SYNPR: variants seen among roughly 807,000 people sequenced by gnomAD.
SYNPR encodes the protein synaptoporin.
A neutral mutation model predicts 32.9 loss-of-function variants in SYNPR; 23 were observed. The ratio of observed to expected loss-of-function variants is 0.70; its 90% CI spans 0.50 to 0.99. SYNPR has a LOEUF of 0.99. Among genes scored for constraint, SYNPR ranks in the 50% least tolerant of loss-of-function variants. The probability of loss-of-function intolerance (pLI) is 0.00; values close to 1 mark genes in which losing one functional copy is unlikely to be tolerated. For missense variants in SYNPR, 318 were observed against 349.3 expected, an observed-to-expected ratio of 0.91 and a Z score of 0.71; for synonymous variants, 146 against 135.9, an observed-to-expected ratio of 1.07 and a Z score of -0.52.
intron 3 of SYNPR, among the ~76,000 whole-genome samples, chr3:63,495,450 G>T (rs1701352889): frequency 6.6e-6 from 1 of 152,188 alleles, no homozygotes; most frequent in Non-Finnish European, 1.5e-5. Flanking sequence ...TAAGTGTAAA[G>T]TGCAGAGAAT....
intron 2 of SYNPR, among the ~76,000 whole-genome samples, chr3:63,299,952 C>T (rs10510893): frequency 0.45 from 68,978 of 151,906 alleles, 15,845 homozygotes; most frequent in Middle Eastern, 0.52. Context: ...GGATGAAGCA[C>T]TTCCATGTTT....
rs550437788 is a variant in SYNPR at position 63,240,630 on chromosome 3, G to A, written n.67-11869G>A. Among the ~76,000 whole-genome samples, 15 of 152,236 alleles carry A rather than the reference G, an allele frequency of 9.9e-5. No homozygotes were observed. In the South Asian group the frequency reaches 3.1e-3, roughly 32 times the overall value. On this transcript the variant is annotated intron_variant and non_coding_transcript_variant, in intron 1 of 4. Coordinates refer to the SYNPR transcript ENST00000478456. ...AAGGGGACTTATCCAAGAAGCTATTGTCCTGTAACTCATAACATGCACTGT... is the reference window on the plus strand; with the variant it reads ...AAGGGGACTTATCCAAGAAGCTATTATCCTGTAACTCATAACATGCACTGT...
intron 3 of SYNPR, among the ~76,000 whole-genome samples, chr3:63,527,473 T>C (rs572408488): frequency 6.6e-6 from 1 of 152,212 alleles, no homozygotes; most frequent in East Asian, 1.9e-4. Flanking sequence ...ATTAATGGGA[T>C]GCCTGTCCTT....
intron 2 of SYNPR, among the ~76,000 whole-genome samples, chr3:63,472,534 C>T (rs1700823054): frequency 6.6e-6 from 1 of 151,916 alleles, no homozygotes; most frequent in Admixed American, 6.6e-5. Flanking sequence ...GCTAAAATGC[C>T]CCTTTTCAAG....
At chr3:63,311,103 T>TTTG (rs906425860) in intron 2 of SYNPR, among the ~76,000 whole-genome samples, 1 of 152,024 alleles carries the variant, frequency 6.6e-6, no homozygotes, top group East Asian at 1.9e-4. Flanking sequence ...GTGGCTTTTT[T>TTTG]TTGTTGTTGT....
At chr3:63,254,932 T>C (rs1337565188) in intron 2 of SYNPR, among the ~76,000 whole-genome samples, 2 of 152,174 alleles carry the variant, frequency 1.3e-5, no homozygotes, top group Non-Finnish European at 2.9e-5. Flanking sequence ...AGGGAGAAGA[T>C]GGCCATCCAT....
At chr3:63,377,529 T>C (rs778458577) in intron 2 of SYNPR, among the ~76,000 whole-genome samples, 1 of 149,234 alleles carries the variant, frequency 6.7e-6, no homozygotes, top group Non-Finnish European at 1.5e-5. Flanking sequence ...TCCCATACTT[T>C]GAGTTAAGAT....
chr3:63,218,843 G>A, the SYNPR span, among the ~76,000 whole-genome samples: 3 of 152,296 alleles, frequency 2.0e-5, no homozygotes, highest in East Asian at 1.9e-4. Context: ...TTGGTTCTGC[G>A]GCTAAACAAG....
intron 2 of SYNPR, among the ~76,000 whole-genome samples, chr3:63,285,171 G>T (rs2086668906): frequency 6.6e-6 from 1 of 152,208 alleles, no homozygotes; most frequent in East Asian, 1.9e-4. Context: ...TTCTGAAAAT[G>T]CCAAGGAACA....
At chr3:63,495,687 T>A (rs1701359770) in intron 3 of SYNPR, among the ~76,000 whole-genome samples, 1 of 152,202 alleles carries the variant, frequency 6.6e-6, no homozygotes, top group African/African-American at 2.4e-5. Flanking sequence ...TATCCTTTTT[T>A]ATTAGAAAAA....
chr3:63,446,012 G>A (rs1300087346), intron 2 of SYNPR, among the ~76,000 whole-genome samples: 1 of 152,160 alleles, frequency 6.6e-6, no homozygotes, highest in African/African-American at 2.4e-5. Context: ...AGATATGAGT[G>A]TGACTAAATG....
chr3:63,330,351 C>A (rs913892944), intron 2 of SYNPR: 26 of 152,110 alleles, frequency 1.7e-4, no homozygotes, highest in African/African-American at 6.3e-4. Context: ...ACACTACCAC[C>A]AAGAGAACTT....
In SYNPR at chr3:63,308,600, A is replaced by AG. The variant is rs372682176; in HGVS notation, c.84+29862dup. On this transcript the variant is annotated intron_variant, in intron 2 of 5. Coordinates refer to ENST00000478300, the MANE Select transcript of SYNPR (RefSeq NM_001130003.2). Reference sequence around the variant, plus strand: ...GTTGGGTATCAAGTTCTAGATTGCAAGGGGTTTTGCTTTAAGTATTTTAAA... The same window carrying AG: ...GTTGGGTATCAAGTTCTAGATTGCAAGGGGGTTTTGCTTTAAGTATTTTAAA... 1.1e-4 allele frequency among the ~76,000 whole-genome samples: 16 copies of AG among 152,020 alleles called. 1 individual carries two copies. Among genetic ancestry groups the AG allele is most frequent in the African/African-American group, 3.9e-4 (16 of 41,526 alleles).
At chr3:63,365,045 A>T (rs944455819) in intron 2 of SYNPR, among the ~76,000 whole-genome samples, 102 of 152,320 alleles carry the variant, frequency 6.7e-4, no homozygotes, top group African/African-American at 2.3e-3. Flanking sequence ...CAAGTCCACG[A>T]AAAGGGAGTG....
At chr3:63,406,993 A>T (rs982855295) in intron 2 of SYNPR, among the ~76,000 whole-genome samples, 1 of 152,162 alleles carries the variant, frequency 6.6e-6, no homozygotes, top group Non-Finnish European at 1.5e-5. Flanking sequence ...GGACTTTATA[A>T]TACTTTGAGT....
intron 2 of SYNPR, among the ~76,000 whole-genome samples, chr3:63,331,107 T>G (rs1233788412): frequency 6.6e-6 from 1 of 152,212 alleles, no homozygotes; most frequent in African/African-American, 2.4e-5. Flanking sequence ...ACCACCACTA[T>G]GACCACACTG....
At chr3:63,473,716 C>T (rs1575662829) in intron 2 of SYNPR, among the ~76,000 whole-genome samples, 1 of 152,224 alleles carries the variant, frequency 6.6e-6, no homozygotes, top group South Asian at 2.1e-4. Flanking sequence ...AGAAACCCTT[C>T]GTGCAAACCA....
intron 2 of SYNPR, among the ~76,000 whole-genome samples, chr3:63,417,237 G>A (rs1445348607): frequency 6.6e-6 from 1 of 152,238 alleles, no homozygotes; most frequent in African/African-American, 2.4e-5. Context: ...AAATCCAGCA[G>A]GGCAGTAAAA....
At chr3:63,429,789 A>G (rs1477028778) in intron 2 of SYNPR, among the ~76,000 whole-genome samples, 1 of 152,182 alleles carries the variant, frequency 6.6e-6, no homozygotes, top group East Asian at 1.9e-4. Context: ...CATGCTTTCA[A>G]GTTCTTCTTT....
Sources: allele counts gnomAD v4.1 joint callset (sites outside exome capture counted in the v4.1 genomes callset), GRCh38; gene constraint gnomAD v4.1.1; transcripts MANE v1.5; gene names NCBI Gene and HGNC (gene_info 2026-07-23, HGNC 2026-07-21).